The following ZCWPW2 variants were observed in gnomAD, a reference collection of about 807,000 sequenced individuals.
The protein encoded by ZCWPW2 is zinc finger CW-type PWWP domain protein 2.
In ZCWPW2, 45 loss-of-function variants were observed where a neutral mutation model predicts 46.6. The observed-to-expected ratio is 0.96, with a 90% CI of 0.76 to 1.24. The LOEUF (loss-of-function observed/expected upper bound fraction) is 1.24. Among genes scored for constraint, ZCWPW2 ranks in the 50% most tolerant of loss-of-function variants. The pLI, the probability that ZCWPW2 is intolerant of heterozygous loss-of-function variation, is 0.00. For synonymous variants in ZCWPW2, 152 were observed against 137.1 expected, an observed-to-expected ratio of 1.11 and a Z score of -0.76; for missense variants, 429 against 403.9, an observed-to-expected ratio of 1.06 and a Z score of -0.53.
At position 28,525,905 on chromosome 3, in the gene ZCWPW2, G is replaced by A. The variant is rs532417836; in HGVS notation, c.*1217G>A. Among the ~76,000 whole-genome samples the A allele has an allele frequency of 6.6e-6, 1 of 152,044 alleles. No individual in the cohort carries two copies. Among genetic ancestry groups the A allele is most frequent in the Non-Finnish European group, 1.5e-5 (1 of 67,990 alleles). ...GATGTTGAGTTGTAAAGCCTATCTG[G>A]GTTCATATTTTACATACTAGCTTGT... On this transcript the variant is annotated 3_prime_UTR_variant, in exon 10 of 10. Transcript: ENST00000383768.
At chr3:28,447,927 C>A in intron 4 of ZCWPW2, 1 of 780,914 alleles carries the variant, frequency 1.3e-6, no homozygotes, top group Non-Finnish European at 2.2e-6. Context: ...TGAGATTGTC[C>A]AAAACAAAAA....
At chr3:28,495,704 C>G (rs943429344) in intron 6 of ZCWPW2, among the ~76,000 whole-genome samples, 1 of 151,740 alleles carries the variant, frequency 6.6e-6, no homozygotes, top group African/African-American at 2.4e-5. Context: ...TCTCTAGTAA[C>G]TCATTTTTAT....
chr3:28,517,974 A>G (rs1052737104), intron 8 of ZCWPW2, among the ~76,000 whole-genome samples: 1 of 151,916 alleles, frequency 6.6e-6, no homozygotes, highest in African/African-American at 2.4e-5. Flanking sequence ...TGTCTCTACT[A>G]AAAATACAAA....
intron 6 of ZCWPW2, among the ~76,000 whole-genome samples, chr3:28,508,990 A>C (rs1327053782): frequency 6.6e-6 from 1 of 152,160 alleles, no homozygotes; most frequent in Non-Finnish European, 1.5e-5. Flanking sequence ...CATCACCCTG[A>C]AAGGAAACTT....
At chr3:28,497,648 C>T (rs1044277369) in intron 6 of ZCWPW2, among the ~76,000 whole-genome samples, 5 of 152,052 alleles carry the variant, frequency 3.3e-5, no homozygotes, top group East Asian at 1.9e-4. Flanking sequence ...TAAAGTTATG[C>T]GTTGGCCTGT....
At chr3:28,439,163 A>ATG (rs200448668) in intron 4 of ZCWPW2, among the ~76,000 whole-genome samples, 274 of 147,610 alleles carry the variant, frequency 1.9e-3, no homozygotes, top group African/African-American at 6.4e-3. Context: ...ATATATATAT[A>ATG]CCTACATATA....
intron 4 of ZCWPW2, among the ~76,000 whole-genome samples, chr3:28,439,861 A>C (rs941465521): frequency 6.6e-6 from 1 of 152,226 alleles, no homozygotes; most frequent in Non-Finnish European, 1.5e-5. Context: ...GCAAATACTC[A>C]TGACAATTAC....
intron 4 of ZCWPW2, among the ~76,000 whole-genome samples, chr3:28,459,813 C>G (rs1698559812): frequency 6.6e-6 from 1 of 152,102 alleles, no homozygotes; most frequent in South Asian, 2.1e-4. Flanking sequence ...AGATAGTGGA[C>G]AAACCTAAAA....
chr3:28,464,155 G>T (rs1215636721), intron 4 of ZCWPW2, among the ~76,000 whole-genome samples: 1 of 151,658 alleles, frequency 6.6e-6, no homozygotes, highest in Non-Finnish European at 1.5e-5. Context: ...TTTTTTGAAT[G>T]CCTGATGAAT....
At chr3:28,513,602 T>G (rs1483492372) in intron 6 of ZCWPW2, among the ~76,000 whole-genome samples, 1 of 152,110 alleles carries the variant, frequency 6.6e-6, no homozygotes, top group African/African-American at 2.4e-5. Context: ...TATCTTTGCC[T>G]AGACATGAAA....
intron 6 of ZCWPW2, among the ~76,000 whole-genome samples, chr3:28,505,730 T>C (rs1338685703): frequency 1.3e-5 from 2 of 152,146 alleles, no homozygotes; most frequent in African/African-American, 4.8e-5. Context: ...GATTCACTTT[T>C]AGAAATTCTG....
At chr3:28,410,783 A>G (rs1002379895) in intron 2 of ZCWPW2, among the ~76,000 whole-genome samples, 1 of 152,020 alleles carries the variant, frequency 6.6e-6, no homozygotes, top group Non-Finnish European at 1.5e-5. Flanking sequence ...AAAGGAAAGA[A>G]AGAATTAAGA....
At chr3:28,390,079 C>A (rs771812786) in intron 1 of ZCWPW2, among the ~76,000 whole-genome samples, 1 of 152,182 alleles carries the variant, frequency 6.6e-6, no homozygotes, top group Non-Finnish European at 1.5e-5. Flanking sequence ...CCTTTTTTGA[C>A]ATCCTCCATT....
At chr3:28,502,046 T>C (rs1700156641) in intron 6 of ZCWPW2, among the ~76,000 whole-genome samples, 1 of 152,096 alleles carries the variant, frequency 6.6e-6, no homozygotes, top group South Asian at 2.1e-4. Context: ...TCATACTAAT[T>C]TCATTTGCCC....
intron 1 of ZCWPW2, among the ~76,000 whole-genome samples, chr3:28,383,551 G>C (rs972820542): frequency 2.6e-5 from 4 of 151,536 alleles, no homozygotes; most frequent in African/African-American, 7.3e-5. Context: ...AACCTATTAG[G>C]GTATATTTTT....
intron 1 of ZCWPW2, among the ~76,000 whole-genome samples, chr3:28,372,156 A>G (rs540649065): frequency 6.6e-6 from 1 of 152,220 alleles, no homozygotes; most frequent in East Asian, 1.9e-4. Context: ...GCTAAAATTC[A>G]TACTACCATA....
chr3:28,464,617 A>G (rs1391887372), intron 4 of ZCWPW2, among the ~76,000 whole-genome samples: 1 of 152,168 alleles, frequency 6.6e-6, no homozygotes. Context: ...TGTATTCTCC[A>G]TATCTAACTC....
At chr3:28,390,728 T>G (rs1198953178) in intron 2 of ZCWPW2, 111 bp downstream of exon 2, 1 of 791,418 alleles carries the variant, frequency 1.3e-6, no homozygotes, top group Admixed American at 6.2e-5. Context: ...AAAATTCACC[T>G]GTATAACTTC....
At chr3:28,446,805 AT>A (rs944603894) in intron 4 of ZCWPW2, among the ~76,000 whole-genome samples, 1 of 152,082 alleles carries the variant, frequency 6.6e-6, no homozygotes, top group Non-Finnish European at 1.5e-5. Flanking sequence ...AAAGACTCAA[AT>A]TACTAAAGTC....
Sources: gnomAD v4.1 joint callset for allele counts (sites outside exome capture counted in the v4.1 genomes callset) on GRCh38, gnomAD v4.1.1 for gene constraint, MANE v1.5 for transcripts, NCBI Gene and HGNC (gene_info 2026-07-23, HGNC 2026-07-21) for gene names.